ARHGAP26: variants seen among roughly 807,000 people sequenced by gnomAD.
The protein encoded by ARHGAP26 is rho GTPase-activating protein 26.
A neutral mutation model predicts 104.8 loss-of-function variants in ARHGAP26; 38 were observed. The ratio of observed to expected loss-of-function variants is 0.36; its 90% confidence interval spans 0.28 to 0.48. ARHGAP26 has a LOEUF of 0.48. Ranked by LOEUF, ARHGAP26 falls within the 20% of genes least tolerant of loss-of-function variation. The probability of loss-of-function intolerance (pLI) is 0.99; values close to 1 mark genes in which losing one functional copy is unlikely to be tolerated. For missense variants in ARHGAP26, 704 were observed against 947.9 expected, an observed-to-expected ratio of 0.74 and a Z score of 3.38; for synonymous variants, 341 against 340.0, an observed-to-expected ratio of 1.00 and a Z score of -0.03.
intron 12 of ARHGAP26, among the ~76,000 whole-genome samples, chr5:143,034,982 T>G (rs1426459619): frequency 8.5e-5 from 13 of 152,208 alleles, no homozygotes. Context: ...GTTAATAGGC[T>G]CCTTACCATT....
intron 20 of ARHGAP26, among the ~76,000 whole-genome samples, chr5:143,150,784 A>G (rs1223216947): frequency 6.6e-6 from 1 of 152,252 alleles, no homozygotes; most frequent in East Asian, 1.9e-4. Flanking sequence ...CAAATGGACC[A>G]TAGGTCTAAA....
chr5:143,154,584 T>C (rs920001921), intron 20 of ARHGAP26, among the ~76,000 whole-genome samples: 1 of 152,206 alleles, frequency 6.6e-6, no homozygotes, highest in African/African-American at 2.4e-5. Flanking sequence ...ACCAGCCTCC[T>C]ACCTTGAATC....
At chr5:143,188,558 A>C (rs1805472484) in intron 20 of ARHGAP26, among the ~76,000 whole-genome samples, 1 of 152,180 alleles carries the variant, frequency 6.6e-6, no homozygotes, top group African/African-American at 2.4e-5. Context: ...CCATTTTGTC[A>C]TGATAAGGCT....
At chr5:142,863,632 T>C (rs1753757690) in intron 1 of ARHGAP26, among the ~76,000 whole-genome samples, 1 of 152,224 alleles carries the variant, frequency 6.6e-6, no homozygotes, top group Non-Finnish European at 1.5e-5. Flanking sequence ...ATAAAGAAGC[T>C]GTGATCTTCT....
At chr5:142,902,952 G>A (rs1410678296) in intron 7 of ARHGAP26, among the ~76,000 whole-genome samples, 1 of 152,178 alleles carries the variant, frequency 6.6e-6, no homozygotes, top group Admixed American at 6.5e-5. Flanking sequence ...TGATGCAGAT[G>A]CAGCAGAGGT....
chr5:142,816,796 G>A (rs1597752582), intron 1 of ARHGAP26, among the ~76,000 whole-genome samples: 1 of 152,220 alleles, frequency 6.6e-6, no homozygotes, highest in African/African-American at 2.4e-5. Context: ...AAGATAGGGG[G>A]AAGGTGTGAT....
At position 143,223,916 on chromosome 5, in the gene ARHGAP26, A is replaced by G. The variant is rs1393607934; in HGVS notation, c.*1470A>G. 4 of 231,640 alleles carry G rather than the reference A, an allele frequency of 1.7e-5. No homozygotes were observed. The highest frequency in any genetic ancestry group is 3.4e-5 in the Non-Finnish European group (4 of 116,890). 14.3% of individuals were successfully genotyped at this position (231,640 alleles called of 1,614,324 possible). A position where few individuals can be genotyped will look rare whatever the true frequency, so the allele number is the denominator to read the frequency against. ...GCCTGCAAACAACAGAGTTATCCGTATCTTCCACATGTGAATGTCATTGCA... is the reference window on the plus strand; with the variant it reads ...GCCTGCAAACAACAGAGTTATCCGTGTCTTCCACATGTGAATGTCATTGCA... On this transcript the variant is annotated 3_prime_UTR_variant, in exon 23 of 23. Transcript: ENST00000645722.
intron 1 of ARHGAP26, among the ~76,000 whole-genome samples, chr5:142,872,519 C>A (rs989993526): frequency 6.6e-6 from 1 of 152,198 alleles, no homozygotes; most frequent in Non-Finnish European, 1.5e-5. Flanking sequence ...GCACATTTGT[C>A]CTCAGCAGCC....
chr5:143,088,609 G>A (rs1471386069), intron 17 of ARHGAP26, among the ~76,000 whole-genome samples: 3 of 152,058 alleles, frequency 2.0e-5, no homozygotes, highest in South Asian at 2.1e-4. Flanking sequence ...ATAAAGTTTC[G>A]GTGCCGCAAA....
intron 11 of ARHGAP26, among the ~76,000 whole-genome samples, chr5:142,961,628 A>G (rs1447676284): frequency 6.6e-6 from 1 of 152,222 alleles, no homozygotes; most frequent in Non-Finnish European, 1.5e-5. Context: ...CTGGCTATGA[A>G]TTTGGCAACT....
At chr5:142,906,982 C>G (rs966276846) in intron 8 of ARHGAP26, among the ~76,000 whole-genome samples, 3 of 152,038 alleles carry the variant, frequency 2.0e-5, no homozygotes, top group Admixed American at 6.6e-5. Flanking sequence ...TTTAATAGTG[C>G]TTTGTTTTCA....
At chr5:143,152,363 T>C (rs1245419287) in intron 20 of ARHGAP26, among the ~76,000 whole-genome samples, 1 of 152,222 alleles carries the variant, frequency 6.6e-6, no homozygotes, top group Non-Finnish European at 1.5e-5. Context: ...ATGCAATTTT[T>C]CTGTAAACCC....
At chr5:143,196,377 T>G (rs1444393833) in intron 20 of ARHGAP26, among the ~76,000 whole-genome samples, 1 of 152,188 alleles carries the variant, frequency 6.6e-6, no homozygotes, top group East Asian at 1.9e-4. Context: ...ATAAAGTCAC[T>G]GCAAACACGG....
chr5:143,177,719 A>G (rs1387117220), intron 20 of ARHGAP26, among the ~76,000 whole-genome samples: 2 of 152,172 alleles, frequency 1.3e-5, no homozygotes, highest in Non-Finnish European at 2.9e-5. Flanking sequence ...TTTGGCACTA[A>G]CCCAAATCAT....
chr5:143,012,548 C>CCTATATATATATATATATATATAT (rs1554195583), intron 11 of ARHGAP26, among the ~76,000 whole-genome samples: 1 of 23,352 alleles, frequency 4.3e-5, no homozygotes, highest in Non-Finnish European at 1.1e-4. Context: ...TATATACATA[C>CCTATATATATATATATATATATAT]ATACATATAT....
intron 12 of ARHGAP26, among the ~76,000 whole-genome samples, chr5:143,032,440 G>C (rs1466515245): frequency 6.6e-6 from 1 of 152,198 alleles, no homozygotes; most frequent in African/African-American, 2.4e-5. Flanking sequence ...AGATTATAGG[G>C]ATACAGAAAT....
chr5:142,803,838 T>TA (rs757986218), intron 1 of ARHGAP26, among the ~76,000 whole-genome samples: 1 of 152,120 alleles, frequency 6.6e-6, no homozygotes, highest in Non-Finnish European at 1.5e-5. Flanking sequence ...ATAGGCAACA[T>TA]ACAAAAACAA....
chr5:143,093,829 TTTC>T (rs1035560168), intron 17 of ARHGAP26, among the ~76,000 whole-genome samples: 7 of 152,216 alleles, frequency 4.6e-5, no homozygotes, highest in African/African-American at 1.7e-4. Context: ...TCTGAATATT[TTTC>T]TTACTACCAG....
rs1172572721 is a variant in ARHGAP26, at chr5:142,993,217, C to T, written c.1108-20863C>T. On this transcript the variant is annotated intron_variant, in intron 11 of 22. Transcript: ENST00000645722. ...TCGCTCTGTCGCCCAGGCCGGACTG[C>T]GGACTGCAGTGGCGCAATCTCGGCT... Among the ~76,000 whole-genome samples the T allele has an allele frequency of 4.2e-5, 6 of 141,802 alleles. No homozygotes were observed. The South Asian group carries it at 6.8e-4, about 16-fold the overall frequency. 93.0% of individuals were successfully genotyped at this position (141,802 alleles called of 152,430 possible). A position where few individuals can be genotyped will look rare whatever the true frequency, so the allele number is the denominator to read the frequency against.
Sources: allele counts gnomAD v4.1 joint callset (sites outside exome capture counted in the v4.1 genomes callset), GRCh38; gene constraint gnomAD v4.1.1; transcripts MANE v1.5; gene names NCBI Gene and HGNC (gene_info 2026-07-23, HGNC 2026-07-21).